AQP7: variants seen among roughly 807,000 people sequenced by gnomAD.
AQP7 encodes the protein aquaporin-7.
Under a neutral mutation model 26.1 loss-of-function variants are expected in AQP7, and 22 were observed. The ratio of observed to expected loss-of-function variants is 0.84; its 90% CI spans 0.60 to 1.20. AQP7 has a LOEUF of 1.20. Among genes scored for constraint, AQP7 ranks in the 50% most tolerant of loss-of-function variants. The pLI is 0.00. For missense variants in AQP7, 412 were observed against 457.5 expected (o/e 0.90, Z 0.91); for synonymous variants, 167 against 181.7 (o/e 0.92, Z 0.65).
intron 2 of AQP7, among the ~76,000 whole-genome samples, chr9:33,396,438 C>CAAAA (rs3055483): frequency 4.9e-4 from 15 of 30,872 alleles, no homozygotes; most frequent in African/African-American, 6.3e-4. Context: ...GACTCCATCT[C>CAAAA]AAAAAAAAAA....
chr9:33,395,777 A>G (rs1320781390), intron 2 of AQP7, among the ~76,000 whole-genome samples: 4 of 152,232 alleles, frequency 2.6e-5, no homozygotes, highest in Non-Finnish European at 4.4e-5. Context: ...CTGTGCAACC[A>G]GGTCAGTGCA....
rs543495409 is a variant in AQP7 at position 33,395,122 on chromosome 9, C to T, written c.100G>A (p.Val34Met). 1.2e-6 allele frequency: 2 copies of T among 1,613,968 alleles called. No individual in the cohort carries two copies. Among genetic ancestry groups the T allele is most frequent in the East Asian group, 4.5e-5 (2 of 44,864 alleles). The stretch of plus-strand genomic sequence containing the variant: ...ATGAACTCGGCCAGGAACTCTCGCA[C>T]CATCTTCCTCTGCAGTATTTCCTGG... The part of the protein sequence containing the change: ...KIQEILQRKM[V>M]REFLAEFMST... Residue 34 changes from valine to methionine, a missense_variant, in exon 3 of 8, where the codon GTG (valine) becomes ATG (methionine). Coordinates refer to ENST00000297988, the MANE Select transcript of AQP7 (RefSeq NM_001170.3).
At chr9:33,398,475 C>T (rs1257014402) in intron 2 of AQP7, among the ~76,000 whole-genome samples, 7 of 152,160 alleles carry the variant, frequency 4.6e-5, no homozygotes, top group South Asian at 2.1e-4. Flanking sequence ...GGAGAAGTGG[C>T]GGCAGCCTGA....
At chr9:33,396,700 T>C (rs536379563) in intron 2 of AQP7, among the ~76,000 whole-genome samples, 1 of 146,104 alleles carries the variant, frequency 6.8e-6, no homozygotes, top group Non-Finnish European at 1.5e-5. Flanking sequence ...TAAATTTCCC[T>C]TTCTCTGGGA....
chr9:33,385,411 C>A (rs1278788225), intron 7 of AQP7, 121 bp from the exon 8 acceptor site: 4 of 1,218,998 alleles, frequency 3.3e-6, no homozygotes, highest in Non-Finnish European at 4.6e-6. Context: ...GGAAACACCC[C>A]CAACCCAGGG....
At chr9:33,385,481 C>T (rs1438922033) in intron 7 of AQP7, 168 bp downstream of exon 7, 6 of 1,003,506 alleles carry the variant, frequency 6.0e-6, no homozygotes, top group Non-Finnish European at 8.9e-6. Flanking sequence ...GGTGCAGGAT[C>T]TGTATCTGTA....
chr9:33,400,226 ATAAG>A (rs916828889), intron 2 of AQP7, among the ~76,000 whole-genome samples: 1 of 152,210 alleles, frequency 6.6e-6, no homozygotes, highest in African/African-American at 2.4e-5. Flanking sequence ...ATGAAATGTA[ATAAG>A]TAAGTACATT....
chr9:33,395,007 G>T lies in AQP7; in HGVS notation c.144+71C>A, dbSNP rs1021417721. ...AGGAATGGACAATGTGACCCATGGG[G>T]TCAGCATGGGGAGGGGGTCATGGAC... On this transcript the variant is annotated intron_variant, in intron 3 of 7. Transcript: ENST00000297988. The T allele has an allele frequency of 3.8e-6, 5 of 1,327,168 alleles. No individual in the cohort carries two copies. The South Asian group carries it at 4.8e-5, about 13-fold the overall frequency. The allele number at this position is 1,327,168 out of a possible 1,614,324, so 82.2% of individuals were successfully genotyped here. A position where few individuals can be genotyped will look rare whatever the true frequency, so the allele number is the denominator to read the frequency against.
Position 33,400,026 on chromosome 9 carries a change from G to A in AQP7, c.26+1211C>T, listed in dbSNP as rs570033536. Among the ~76,000 whole-genome samples the A allele has an allele frequency of 8.5e-5, 13 of 152,220 alleles. No homozygotes were observed. In the South Asian group the frequency reaches 2.5e-3, roughly 29 times the overall value. ...GCACAGGAGGAGTGGACTTGCAGGG[G>A]GCGGAGGAGGCTGTTTCCATCTAGG... On this transcript the variant is annotated intron_variant, in intron 2 of 7. Coordinates refer to ENST00000297988, the MANE Select transcript of AQP7 (RefSeq NM_001170.3).
chr9:33,384,735 C>A lies in AQP7; in HGVS notation c.*270G>T. The A allele has an allele frequency of 2.8e-6, 1 of 357,652 alleles. No homozygotes were observed. Among genetic ancestry groups the A allele is most frequent in the Admixed American group, 4.4e-5 (1 of 22,578 alleles). 22.2% of individuals were successfully genotyped at this position (357,652 alleles called of 1,614,324 possible). On this transcript the variant is annotated 3_prime_UTR_variant, in exon 8 of 8. Coordinates refer to ENST00000297988, the MANE Select transcript of AQP7 (RefSeq NM_001170.3). ...CTTCCTTCCCCCGTGCCTGAAAATC[C>A]CTCATTCTGTCGTTCTTTCATCTCA...
intron 3 of AQP7, among the ~76,000 whole-genome samples, chr9:33,391,974 G>A (rs1357101514): frequency 1.3e-5 from 2 of 152,094 alleles, no homozygotes; most frequent in South Asian, 2.1e-4. Context: ...TTCAAAAGCT[G>A]GCAATATTTA....
At chr9:33,396,070 C>T (rs4008640) in intron 2 of AQP7, among the ~76,000 whole-genome samples, 4 of 151,986 alleles carry the variant, frequency 2.6e-5, no homozygotes, top group African/African-American at 9.7e-5. Flanking sequence ...AGTAACAGGG[C>T]CCAAATCTGC....
At chr9:33,401,747 A>C in intron 1 of AQP7, 1 of 170,514 alleles carries the variant, frequency 5.9e-6, no homozygotes, top group East Asian at 1.6e-4. Flanking sequence ...GGCCCTGAAA[A>C]CTCATTTCAC....
Position 33,385,780 on chromosome 9 carries a change from C to T in AQP7, c.612G>A (p.Leu204=). ...TGATGACCACGAGGATGCCTATCACCAGCGCCTCTGTTCCTGGCAGTGCTG... is the reference window on the plus strand; with the variant it reads ...TGATGACCACGAGGATGCCTATCACTAGCGCCTCTGTTCCTGGCAGTGCTG... ...NNPALPGTEA[L]VIGILVVIIG... The change falls in exon 7 of 8, where the codon CTG becomes CTA. Residue 204 remains leucine (L), a synonymous_variant. Coordinates refer to ENST00000297988, the MANE Select transcript of AQP7 (RefSeq NM_001170.3). 6.2e-7 allele frequency: 1 copy of T among 1,613,464 alleles called. No homozygotes were observed. The highest frequency in any genetic ancestry group is 8.5e-7 in the Non-Finnish European group (1 of 1,179,988).
chr9:33,388,850 T>C (rs1432429707), intron 3 of AQP7, among the ~76,000 whole-genome samples: 2 of 152,148 alleles, frequency 1.3e-5, no homozygotes, highest in Admixed American at 6.5e-5. Flanking sequence ...CTTGTGCCAC[T>C]GTTTTGTTTG....
At chr9:33,392,721 T>C (rs767612657) in intron 3 of AQP7, among the ~76,000 whole-genome samples, 2 of 152,134 alleles carry the variant, frequency 1.3e-5, no homozygotes, top group Non-Finnish European at 2.9e-5. Flanking sequence ...AGGATCCAAC[T>C]GCTGTCCTCA....
At chr9:33,392,657 G>T (rs1223499453) in intron 3 of AQP7, among the ~76,000 whole-genome samples, 1 of 152,160 alleles carries the variant, frequency 6.6e-6, no homozygotes, top group African/African-American at 2.4e-5. Flanking sequence ...AGCCCTCATG[G>T]GGCTGGAATG....
chr9:33,400,118 T>C (rs1445360530), intron 2 of AQP7, among the ~76,000 whole-genome samples: 2 of 152,130 alleles, frequency 1.3e-5, no homozygotes, highest in African/African-American at 4.8e-5. Context: ...GAGAGCGATG[T>C]AGGCTAGAGG....
rs1825738004 is a variant in AQP7, at chr9:33,395,066, C to A, written c.144+12G>T. 1.9e-6 allele frequency: 3 copies of A among 1,611,406 alleles called. No individual in the cohort carries two copies. The highest frequency in any genetic ancestry group is 2.5e-6 in the Non-Finnish European group (3 of 1,177,716). On this transcript the variant is annotated intron_variant, in intron 3 of 7. Coordinates refer to ENST00000297988, the MANE Select transcript of AQP7 (RefSeq NM_001170.3). The stretch of plus-strand genomic sequence containing the variant: ...CGGAGCCCCACCCACTTCGTGCTGC[C>A]CACCCACTCACCATCATGACATATG...
Sources: gnomAD v4.1 joint callset for allele counts (sites outside exome capture counted in the v4.1 genomes callset) on GRCh38, gnomAD v4.1.1 for gene constraint, MANE v1.5 for transcripts, NCBI Gene and HGNC (gene_info 2026-07-23, HGNC 2026-07-21) for gene names.